NRCAM: variants seen among roughly 807,000 people sequenced by gnomAD.
NRCAM encodes the protein NgCAM-related cell adhesion molecule.
In NRCAM, 83 loss-of-function variants were observed where a neutral mutation model predicts 156.5. The ratio of observed to expected loss-of-function variants is 0.53; its 90% confidence interval spans 0.44 to 0.64. The LOEUF (loss-of-function observed/expected upper bound fraction) is 0.64, where lower values mean the gene tolerates loss of function less well. Ranked by LOEUF, NRCAM falls within the 30% of genes least tolerant of loss-of-function variation. NRCAM has a pLI of 0.00. For missense variants in NRCAM, 1,417 were observed against 1,597.3 expected, an observed-to-expected ratio of 0.89 and a Z score of 1.92; for synonymous variants, 538 against 563.9, an observed-to-expected ratio of 0.95 and a Z score of 0.65.
chr7:108,345,224 T>C (rs1183745411), intron 2 of NRCAM, among the ~76,000 whole-genome samples: 2 of 152,236 alleles, frequency 1.3e-5, no homozygotes, highest in Non-Finnish European at 2.9e-5. Context: ...CTTTGAACCT[T>C]AGTGAACTGT....
At chr7:108,258,229 G>A (rs969269533) in intron 3 of NRCAM, among the ~76,000 whole-genome samples, 3 of 152,168 alleles carry the variant, frequency 2.0e-5, no homozygotes, top group East Asian at 1.9e-4. Context: ...CTGAAAGCCC[G>A]CTAAAATGGC....
chr7:108,324,793 G>A (rs2099046639), intron 2 of NRCAM, among the ~76,000 whole-genome samples: 1 of 149,684 alleles, frequency 6.7e-6, no homozygotes, highest in South Asian at 2.1e-4. Context: ...TTGTCAACCT[G>A]CTTTCATATG....
At chr7:108,387,942 T>C (rs1327975695) in intron 2 of NRCAM, among the ~76,000 whole-genome samples, 1 of 152,232 alleles carries the variant, frequency 6.6e-6, no homozygotes, top group African/African-American at 2.4e-5. Context: ...CCACATTTTC[T>C]TAATCCAGTC....
chr7:108,310,303 C>T (rs1164721770), intron 3 of NRCAM, among the ~76,000 whole-genome samples: 2 of 152,208 alleles, frequency 1.3e-5, no homozygotes, highest in African/African-American at 2.4e-5. Context: ...TCTCTCCTCA[C>T]TCTGGTTGAT....
chr7:108,319,575 T>C (rs918312081), intron 2 of NRCAM, among the ~76,000 whole-genome samples: 128 of 152,350 alleles, frequency 8.4e-4, no homozygotes, highest in East Asian at 5.8e-4. Context: ...AGATAGATAT[T>C]GAACAAATAA....
intron 3 of NRCAM, among the ~76,000 whole-genome samples, chr7:108,297,831 C>A (rs1321974302): frequency 6.6e-6 from 1 of 152,182 alleles, no homozygotes; most frequent in Non-Finnish European, 1.5e-5. Flanking sequence ...GCGTAATATA[C>A]TTTCTTGCCA....
intron 3 of NRCAM, among the ~76,000 whole-genome samples, chr7:108,242,045 G>A (rs111953747): frequency 0.23 from 34,414 of 151,704 alleles, 4,167 homozygotes; most frequent in Non-Finnish European, 0.26. Flanking sequence ...AGGCCGAAGC[G>A]GGTGGATCAC....
chr7:108,365,457 T>C (rs2099586192), intron 2 of NRCAM, among the ~76,000 whole-genome samples: 1 of 152,206 alleles, frequency 6.6e-6, no homozygotes, highest in Non-Finnish European at 1.5e-5. Flanking sequence ...TTTCAATACA[T>C]GTATATATTG....
At chr7:108,318,140 G>A (rs2098954025) in intron 2 of NRCAM, among the ~76,000 whole-genome samples, 1 of 137,380 alleles carries the variant, frequency 7.3e-6, no homozygotes, top group South Asian at 2.5e-4. Flanking sequence ...CTGCCTCCCG[G>A]GTTCATGCCA....
intron 2 of NRCAM, among the ~76,000 whole-genome samples, chr7:108,346,364 T>C (rs1382310123): frequency 6.6e-6 from 1 of 152,226 alleles, no homozygotes; most frequent in Non-Finnish European, 1.5e-5. Context: ...AGTATGCTTT[T>C]TTACATGTTA....
chr7:108,423,161 C>T lies in NRCAM; in HGVS notation c.-331-23568G>A, dbSNP rs539236464. 2.0e-5 allele frequency among the ~76,000 whole-genome samples: 3 copies of T among 152,102 alleles called. No homozygotes were observed. The East Asian group carries it at 5.8e-4, about 29-fold the overall frequency. Reference sequence around the variant, plus strand: ...GAGGACGGTGATTCTCATTATGTCCCTCTTTATCTTTTTGCATATATGGAA... The same window carrying T: ...GAGGACGGTGATTCTCATTATGTCCTTCTTTATCTTTTTGCATATATGGAA... On this transcript the variant is annotated intron_variant, in intron 1 of 32. Coordinates refer to ENST00000379028, the MANE Select transcript of NRCAM (RefSeq NM_001037132.4).
chr7:108,307,548 G>C lies in NRCAM; in HGVS notation c.-107+5117C>G, dbSNP rs188200678. The stretch of plus-strand genomic sequence containing the variant: ...AGAAACAAAGAATCTTTACAGACCA[G>C]CTAAGTTTGACAATAGCTGTAGAAA... On this transcript the variant is annotated intron_variant, in intron 3 of 32. Transcript: ENST00000379028. Among the ~76,000 whole-genome samples the C allele has an allele frequency of 2.9e-3, 442 of 152,250 alleles. 1 individual carries two copies. Among genetic ancestry groups the C allele is most frequent in the African/African-American group, 0.01 (427 of 41,540 alleles).
chr7:108,324,494 A>G (rs1046483480), intron 2 of NRCAM, among the ~76,000 whole-genome samples: 16 of 152,272 alleles, frequency 1.1e-4, no homozygotes, highest in African/African-American at 3.9e-4. Flanking sequence ...GGGTGTAGTC[A>G]AATCAGCAAG....
intron 1 of NRCAM, among the ~76,000 whole-genome samples, chr7:108,412,326 CCTGGCGTTTTG>C (rs1796423873): frequency 6.6e-6 from 1 of 152,010 alleles, no homozygotes; most frequent in Non-Finnish European, 1.5e-5. Context: ...TACACCCAAA[CCTGGCGTTTTG>C]CTCAGATTCT....
At chr7:108,298,957 T>G (rs1443690623) in intron 3 of NRCAM, among the ~76,000 whole-genome samples, 2 of 148,524 alleles carry the variant, frequency 1.3e-5, no homozygotes, top group Non-Finnish European at 3.0e-5. Flanking sequence ...AATACAAAAA[T>G]TAGCTGCGCC....
chr7:108,232,579 T>A, intron 6 of NRCAM, 57 bp from the exon 7 acceptor site: 1 of 1,264,218 alleles, frequency 7.9e-7, no homozygotes, highest in Non-Finnish European at 1.1e-6. Context: ...GGGATTACCT[T>A]AACAAATTCC....
chr7:108,254,355 A>T (rs571250803), intron 3 of NRCAM, among the ~76,000 whole-genome samples: 13 of 152,326 alleles, frequency 8.5e-5, no homozygotes, highest in African/African-American at 3.1e-4. Context: ...AGCACATGAA[A>T]AGATGCTCAA....
intron 2 of NRCAM, among the ~76,000 whole-genome samples, chr7:108,385,103 T>C (rs977343780): frequency 1.3e-5 from 2 of 152,224 alleles, no homozygotes; most frequent in Non-Finnish European, 2.9e-5. Context: ...CTTTGTACTC[T>C]AAAGTGTTGC....
At position 108,231,118 on chromosome 7, in the gene NRCAM, T is replaced by C; in HGVS notation, c.463A>G (p.Ile155Val). ...PLWTKEKLEP[I>V]TLQSGQSLVL... ...AAAGACTGACCACTTTGAAGTGTGA[T>C]TGGTTCAAGTTTTTCTTTGGTCCAC... The change falls in exon 8 of 33, where the codon ATC becomes GTC. Residue 155 changes from isoleucine (I) to valine (V), a missense_variant. By Grantham distance (29) the Ile-to-Val change is conservative. Around this residue, in one of 2 missense-constraint regions of NRCAM, gnomAD observed 1,238 missense variants for 1,336.4 expected, o/e 0.93. Coordinates refer to ENST00000379028, the MANE Select transcript of NRCAM (RefSeq NM_001037132.4). 2 of 1,605,626 alleles carry C rather than the reference T, an allele frequency of 1.2e-6. No individual in the cohort carries two copies. Among genetic ancestry groups the C allele is most frequent in the Admixed American group, 1.7e-5 (1 of 57,982 alleles).
Sources: allele counts gnomAD v4.1 joint callset (sites outside exome capture counted in the v4.1 genomes callset), GRCh38; gene constraint gnomAD v4.1.1; regional missense constraint gnomAD v4.1.1; transcripts MANE v1.5; gene names NCBI Gene and HGNC (gene_info 2026-07-23, HGNC 2026-07-21).